Variants in CCDC122 observed in about 807,000 individuals in gnomAD.
CCDC122 encodes the protein coiled-coil domain containing 122, also known as coiled-coil domain-containing protein 122.
CCDC122 carries 38 observed loss-of-function variants against 37.0 expected under a neutral mutation model. The observed-to-expected ratio is 1.03, with a 90% CI of 0.79 to 1.35. CCDC122 has a LOEUF of 1.35. Ranked by LOEUF, CCDC122 falls within the 40% of genes most tolerant of loss-of-function variation. The pLI is 0.00. For synonymous variants in CCDC122, 83 were observed against 95.6 expected, an observed-to-expected ratio of 0.87 and a Z score of 0.77; for missense variants, 305 against 310.0, an observed-to-expected ratio of 0.98 and a Z score of 0.12.
chr13:43,852,485 T>C (rs1953772443), intron 6 of CCDC122, among the ~76,000 whole-genome samples: 1 of 152,072 alleles, frequency 6.6e-6, no homozygotes, highest in African/African-American at 2.4e-5. Flanking sequence ...TATTGAATTA[T>C]GTAAAGAGAT....
intron 4 of CCDC122, among the ~76,000 whole-genome samples, chr13:43,863,373 T>G (rs1375931148): frequency 1.3e-5 from 2 of 152,218 alleles, no homozygotes; most frequent in Non-Finnish European, 2.9e-5. Flanking sequence ...TATTGCTAAG[T>G]AGTATTCCGT....
At chr13:43,852,660 A>G (rs935436745) in intron 6 of CCDC122, among the ~76,000 whole-genome samples, 1 of 152,068 alleles carries the variant, frequency 6.6e-6, no homozygotes, top group Non-Finnish European at 1.5e-5. Context: ...CTTCACAAGA[A>G]TAGCATCCCC....
chr13:43,858,077 A>G (rs1022109747), intron 6 of CCDC122: 13 of 152,204 alleles, frequency 8.5e-5, no homozygotes, highest in Non-Finnish European at 1.6e-4. Context: ...TTAATAGCGA[A>G]TATGTAAAGA....
chr13:43,859,309 G>A (rs765578712), intron 5 of CCDC122, among the ~76,000 whole-genome samples: 16 of 152,118 alleles, frequency 1.1e-4, no homozygotes, highest in Non-Finnish European at 1.9e-4. Context: ...ACCATTAAGT[G>A]TACTAAATTG....
At chr13:43,828,555 T>TAC (rs56901535) in intron 3 of CCDC122, among the ~76,000 whole-genome samples, 2,690 of 146,210 alleles carry the variant, frequency 0.018, 76 homozygotes, top group East Asian at 0.13. Flanking sequence ...TATAGACAGA[T>TAC]ACACACACAC....
chr13:43,856,544 G>T (rs1953911952), intron 6 of CCDC122: 2 of 160,972 alleles, frequency 1.2e-5, no homozygotes, highest in South Asian at 1.5e-4. Context: ...GCAGGAGAAT[G>T]GCGTGAACCT....
At chr13:43,873,726 A>G (rs559478970) in intron 2 of CCDC122, among the ~76,000 whole-genome samples, 5 of 152,302 alleles carry the variant, frequency 3.3e-5, no homozygotes, top group Admixed American at 6.5e-5. Flanking sequence ...ACTGGAATCC[A>G]ATCACTCCTT....
At chr13:43,861,249 G>T (rs1209775203) in intron 4 of CCDC122, among the ~76,000 whole-genome samples, 1 of 152,180 alleles carries the variant, frequency 6.6e-6, no homozygotes, top group Non-Finnish European at 1.5e-5. Flanking sequence ...TTCAGTTATG[G>T]AAGAGTTTTT....
chr13:43,832,009 G>A (rs1424338960), downstream of CCDC122, among the ~76,000 whole-genome samples: 4 of 151,468 alleles, frequency 2.6e-5, no homozygotes, highest in African/African-American at 9.7e-5. Flanking sequence ...TTCTATTAGT[G>A]TCTGTTTCAA....
intron 3 of CCDC122, among the ~76,000 whole-genome samples, chr13:43,830,480 G>GAA (rs1953079478): frequency 6.6e-6 from 1 of 152,170 alleles, no homozygotes; most frequent in South Asian, 2.1e-4. Flanking sequence ...CTGGTAAGGA[G>GAA]AAAAGAAGCC....
intron 6 of CCDC122, among the ~76,000 whole-genome samples, chr13:43,850,802 C>T (rs1172717124): frequency 2.0e-5 from 3 of 151,944 alleles, no homozygotes; most frequent in Non-Finnish European, 4.4e-5. Flanking sequence ...GCAAAAGATA[C>T]AAAACTACAG....
intron 6 of CCDC122, among the ~76,000 whole-genome samples, chr13:43,857,693 A>C (rs1017915950): frequency 6.6e-6 from 1 of 152,110 alleles, no homozygotes; most frequent in African/African-American, 2.4e-5. Context: ...ACCTGAGGTC[A>C]GGAGTTTGAG....
At chr13:43,841,400 G>C (rs1428621132) in intron 6 of CCDC122, among the ~76,000 whole-genome samples, 2 of 151,990 alleles carry the variant, frequency 1.3e-5, no homozygotes, top group Non-Finnish European at 2.9e-5. Flanking sequence ...AGCAACATTT[G>C]GTATTAATAT....
chr13:43,836,597 TC>T lies in CCDC122; in HGVS notation c.*682del, dbSNP rs1281515249. On this transcript the variant is annotated 3_prime_UTR_variant, in exon 7 of 7. Coordinates refer to ENST00000444614, the MANE Select transcript of CCDC122 (RefSeq NM_144974.5). ...CGGGCGCGGTGGCTCACGCCTGTAA[TC>T]CCAGCACTTTGGGAGGCCGAGGCGG... 4 of 152,180 alleles carry T rather than the reference TC, an allele frequency of 2.6e-5. No individual in the cohort carries two copies. Among genetic ancestry groups the T allele is most frequent in the Non-Finnish European group, 5.9e-5 (4 of 67,986 alleles). 9.4% of individuals were successfully genotyped at this position (152,180 alleles called of 1,614,324 possible).
At chr13:43,865,960 T>C (rs1237754162) in intron 4 of CCDC122, among the ~76,000 whole-genome samples, 1 of 152,142 alleles carries the variant, frequency 6.6e-6, no homozygotes, top group Non-Finnish European at 1.5e-5. Flanking sequence ...TTTGGGGCCA[T>C]TAAGTAAAAT....
chr13:43,848,486 T>C (rs1190887820), intron 6 of CCDC122, among the ~76,000 whole-genome samples: 5 of 152,206 alleles, frequency 3.3e-5, no homozygotes, highest in African/African-American at 1.2e-4. Flanking sequence ...TGAAGCTTTG[T>C]GTTTGCCTGC....
chr13:43,837,212 T>C lies in CCDC122; in HGVS notation c.*68A>G, dbSNP rs117740974. On this transcript the variant is annotated 3_prime_UTR_variant, in exon 7 of 7. Transcript: ENST00000444614. The stretch of plus-strand genomic sequence containing the variant: ...TGCTTGTTATTAAGAATCCAAAAGA[T>C]TTTCTTAATGTTCTGTCCAGTAATT... 9.0e-6 allele frequency: 13 copies of C among 1,447,496 alleles called. No homozygotes were observed. The highest frequency in any genetic ancestry group is 1.2e-5 in the Non-Finnish European group (13 of 1,067,142). The allele number at this position is 1,447,496 out of a possible 1,614,324, so 89.7% of individuals were successfully genotyped here. A position where few individuals can be genotyped will look rare whatever the true frequency, so the allele number is the denominator to read the frequency against.
intron 1 of CCDC122, among the ~76,000 whole-genome samples, chr13:43,876,816 T>C (rs1954624978): frequency 6.6e-6 from 1 of 152,194 alleles, no homozygotes; most frequent in East Asian, 1.9e-4. Flanking sequence ...TGAGATTAAC[T>C]GTAAAAGATT....
chr13:43,864,298 G>A (rs1954205501), intron 4 of CCDC122, among the ~76,000 whole-genome samples: 1 of 152,158 alleles, frequency 6.6e-6, no homozygotes, highest in Admixed American at 6.5e-5. Context: ...TTTGTTCCCA[G>A]TTATTGGTAC....
Sources: gnomAD v4.1 joint callset for allele counts (sites outside exome capture counted in the v4.1 genomes callset) on GRCh38, gnomAD v4.1.1 for gene constraint, MANE v1.5 for transcripts, NCBI Gene and HGNC (gene_info 2026-07-23, HGNC 2026-07-21) for gene names.